The following HS3ST2 variants were observed in gnomAD, a reference collection of about 807,000 sequenced individuals.
The protein encoded by HS3ST2 is heparan sulfate-glucosamine 3-sulfotransferase 2.
HS3ST2 carries 17 observed loss-of-function variants against 26.3 expected under a neutral mutation model. That is an observed-to-expected ratio of 0.65 (90% CI 0.44 to 0.97). The LOEUF is 0.97. Among genes scored for constraint, HS3ST2 ranks in the 50% least tolerant of loss-of-function variants. HS3ST2 has a pLI of 0.00. For synonymous variants in HS3ST2, 237 were observed against 219.2 expected, an observed-to-expected ratio of 1.08 and a Z score of -0.72; for missense variants, 402 against 501.2, an observed-to-expected ratio of 0.80 and a Z score of 1.89.
At chr16:22,899,535 G>A (rs543623738) in intron 1 of HS3ST2, among the ~76,000 whole-genome samples, 1 of 152,274 alleles carries the variant, frequency 6.6e-6, no homozygotes, top group South Asian at 2.1e-4. Context: ...GAGACACATG[G>A]TGGAATTGTG....
At chr16:22,858,603 C>T (rs769403372) in intron 1 of HS3ST2, among the ~76,000 whole-genome samples, 2 of 151,610 alleles carry the variant, frequency 1.3e-5, no homozygotes, top group African/African-American at 4.9e-5. Context: ...GAGCTATTCT[C>T]GGGAAGTAGT....
chr16:22,912,352 G>GCC (rs1282080745), intron 1 of HS3ST2, among the ~76,000 whole-genome samples: 1 of 152,204 alleles, frequency 6.6e-6, no homozygotes, highest in Non-Finnish European at 1.5e-5. Context: ...GAACTGCGAG[G>GCC]CCAGGGTATT....
At chr16:22,834,008 T>G (rs1406466533) in intron 1 of HS3ST2, among the ~76,000 whole-genome samples, 1 of 152,074 alleles carries the variant, frequency 6.6e-6, no homozygotes. Context: ...GAATAGATAA[T>G]GTATATTTAA....
At chr16:22,913,523 A>G (rs1288870488) in intron 1 of HS3ST2, among the ~76,000 whole-genome samples, 2 of 152,242 alleles carry the variant, frequency 1.3e-5, no homozygotes, top group African/African-American at 4.8e-5. Flanking sequence ...AGAAGACGTC[A>G]GAACTCATAT....
intron 1 of HS3ST2, among the ~76,000 whole-genome samples, chr16:22,875,555 G>T (rs965390869): frequency 2.6e-5 from 4 of 151,982 alleles, no homozygotes; most frequent in Non-Finnish European, 5.9e-5. Context: ...TAATTTTTTT[G>T]TATTTCTAGT....
chr16:22,873,798 T>C (rs1901870839), intron 1 of HS3ST2, among the ~76,000 whole-genome samples: 1 of 152,220 alleles, frequency 6.6e-6, no homozygotes, highest in Non-Finnish European at 1.5e-5. Flanking sequence ...GAGCCTGGTC[T>C]AGCTGGGGTT....
chr16:22,818,733 C>T lies in HS3ST2; in HGVS notation c.485+3638C>T, dbSNP rs868353739. On this transcript the variant is annotated intron_variant, in intron 1 of 1. Coordinates refer to ENST00000261374, the MANE Select transcript of HS3ST2 (RefSeq NM_006043.2). The stretch of plus-strand genomic sequence containing the variant: ...CCTCCTTCCTTCCTTCCCTCCCTCC[C>T]TCCTTCCCTTCCTTCCTTCCTTCCT... Among the ~76,000 whole-genome samples the T allele has an allele frequency of 3.8e-3, 66 of 17,490 alleles. 1 individual carries two copies. Among genetic ancestry groups the T allele is most frequent in the South Asian group, 7.5e-3 (3 of 398 alleles). 11.5% of individuals were successfully genotyped at this position (17,490 alleles called of 152,430 possible).
Position 22,814,733 on chromosome 16 carries a change from C to T in HS3ST2, c.123C>T (p.Cys41=). The T allele has an allele frequency of 3.7e-6, 6 of 1,609,056 alleles. No individual in the cohort carries two copies. Among genetic ancestry groups the T allele is most frequent in the Non-Finnish European group, 5.1e-6 (6 of 1,178,510 alleles). ...TYLCYSFLCC[C]DDLGRSRLLG... is the part of the protein sequence containing the mutation. ...TGTGTTACAGCTTCCTGTGCTGCTG[C>T]GACGACCTGGGTCGGAGCCGCCTCC... is the stretch of plus-strand genomic sequence containing the variant. Residue 41 remains cysteine (C), a synonymous_variant, in exon 1 of 2, where the codon TGC becomes TGT. Coordinates refer to ENST00000261374, the MANE Select transcript of HS3ST2 (RefSeq NM_006043.2).
At chr16:22,884,522 TTC>T (rs1902033489) in intron 1 of HS3ST2, among the ~76,000 whole-genome samples, 1 of 152,090 alleles carries the variant, frequency 6.6e-6, no homozygotes, top group African/African-American at 2.4e-5. Context: ...GAGCTTCACA[TTC>T]TGTCTTCTTC....
chr16:22,863,209 C>T (rs549036520), intron 1 of HS3ST2, among the ~76,000 whole-genome samples: 10 of 152,332 alleles, frequency 6.6e-5, no homozygotes, highest in Admixed American at 3.3e-4. Flanking sequence ...TGGGATAGCA[C>T]ATCAGTAGAC....
intron 1 of HS3ST2, among the ~76,000 whole-genome samples, chr16:22,874,693 AG>A (rs1402609505): frequency 6.6e-6 from 1 of 152,264 alleles, no homozygotes. Context: ...CAGTCAAGAC[AG>A]TACTGGGACC....
chr16:22,834,306 CAT>C (rs774316796), intron 1 of HS3ST2, among the ~76,000 whole-genome samples: 4 of 152,102 alleles, frequency 2.6e-5, no homozygotes, highest in African/African-American at 4.8e-5. Context: ...TTAGACAAAT[CAT>C]GTGTATACTT....
chr16:22,880,144 G>T (rs191405518), intron 1 of HS3ST2, among the ~76,000 whole-genome samples: 5 of 152,160 alleles, frequency 3.3e-5, no homozygotes, highest in Admixed American at 3.3e-4. Flanking sequence ...TGTGGGGGCC[G>T]GGAGTAGCTC....
chr16:22,860,871 T>A (rs1445836741), intron 1 of HS3ST2, among the ~76,000 whole-genome samples: 1 of 150,562 alleles, frequency 6.6e-6, no homozygotes, highest in East Asian at 1.9e-4. Flanking sequence ...AAATATGTAT[T>A]TAATATAATT....
chr16:22,906,348 C>T (rs960982614), intron 1 of HS3ST2, among the ~76,000 whole-genome samples: 2 of 125,186 alleles, frequency 1.6e-5, no homozygotes, highest in Admixed American at 8.3e-5. Context: ...TCCAGCCTGG[C>T]GACAGAGCGA....
At chr16:22,904,623 G>A (rs1254745777) in intron 1 of HS3ST2, among the ~76,000 whole-genome samples, 1 of 152,220 alleles carries the variant, frequency 6.6e-6, no homozygotes, top group East Asian at 1.9e-4. Context: ...AGGGCTTCAT[G>A]CAAAGGGTAC....
At chr16:22,848,157 G>A (rs887602965) in intron 1 of HS3ST2, among the ~76,000 whole-genome samples, 2 of 152,094 alleles carry the variant, frequency 1.3e-5, no homozygotes, top group East Asian at 1.9e-4. Flanking sequence ...TGGCTGCAGC[G>A]AAATGTAGCT....
intron 1 of HS3ST2, among the ~76,000 whole-genome samples, chr16:22,887,819 T>C (rs1287321218): frequency 6.6e-6 from 1 of 151,124 alleles, no homozygotes; most frequent in Non-Finnish European, 1.5e-5. Context: ...CATGGTTGTA[T>C]GTGCATACAG....
Position 22,891,342 on chromosome 16 carries a change from G to C in HS3ST2, c.486-23602G>C, listed in dbSNP as rs141401134. Among the ~76,000 whole-genome samples, 398 of 152,296 alleles carry C rather than the reference G, an allele frequency of 2.6e-3. 2 individuals carry two copies. Among genetic ancestry groups the C allele is most frequent in the African/African-American group, 9.3e-3 (386 of 41,552 alleles). ...CGTCTCGAAGTCTTTCCACAGTTCTGCAGAGTGAGTTTTATTTTATCCCCT... is the reference window on the plus strand; with the variant it reads ...CGTCTCGAAGTCTTTCCACAGTTCTCCAGAGTGAGTTTTATTTTATCCCCT... On this transcript the variant is annotated intron_variant, in intron 1 of 1. Transcript: ENST00000261374.
Sources: allele counts gnomAD v4.1 joint callset (sites outside exome capture counted in the v4.1 genomes callset), GRCh38; gene constraint gnomAD v4.1.1; transcripts MANE v1.5; gene names NCBI Gene and HGNC (gene_info 2026-07-23, HGNC 2026-07-21).